Variants in ANKRD30A observed in about 807,000 individuals in gnomAD.
The protein encoded by ANKRD30A is ankyrin repeat domain-containing protein 30A.
A neutral mutation model predicts 166.3 loss-of-function variants in ANKRD30A; 170 were observed. The ratio of observed to expected loss-of-function variants is 1.02; its 90% confidence interval spans 0.90 to 1.16. ANKRD30A has a LOEUF of 1.16. Ranked by LOEUF, ANKRD30A falls within the 50% of genes most tolerant of loss-of-function variation. ANKRD30A has a pLI of 0.00. For missense variants in ANKRD30A, 1,630 were observed against 1,518.0 expected, an observed-to-expected ratio of 1.07 and a Z score of -1.23; for synonymous variants, 564 against 508.9, an observed-to-expected ratio of 1.11 and a Z score of -1.46.
chr10:37,130,606 TA>T (rs1250494958), intron 3 of ANKRD30A, among the ~76,000 whole-genome samples: 1 of 152,192 alleles, frequency 6.6e-6, no homozygotes, highest in African/African-American at 2.4e-5. Context: ...GTGTTAAAGG[TA>T]AAAACTTCTT....
chr10:37,161,440 T>A (rs958125471), intron 15 of ANKRD30A, among the ~76,000 whole-genome samples: 3 of 152,178 alleles, frequency 2.0e-5, no homozygotes, highest in Non-Finnish European at 4.4e-5. Flanking sequence ...GTTAGAGGTT[T>A]TTTTTTATTT....
At chr10:37,156,259 C>G (rs1838372124) in intron 13 of ANKRD30A, among the ~76,000 whole-genome samples, 2 of 152,054 alleles carry the variant, frequency 1.3e-5, no homozygotes, top group East Asian at 3.9e-4. Flanking sequence ...AATCCAAGTA[C>G]GTACAGCCAT....
chr10:37,242,066 A>G, the ANKRD30A span: 10 of 152,180 alleles, frequency 6.6e-5, no homozygotes, highest in Admixed American at 1.3e-4. Flanking sequence ...TTACTTGTCT[A>G]TAATATTCCT....
chr10:37,201,515 AAGG>A (rs1841625924), intron 31 of ANKRD30A, among the ~76,000 whole-genome samples, 190 bp downstream of exon 31: 2 of 152,066 alleles, frequency 1.3e-5, no homozygotes, highest in Non-Finnish European at 2.9e-5. Context: ...GAGTGCTGAG[AAGG>A]AGGTGAATTA....
At chr10:37,250,038 T>C in the ANKRD30A span, among the ~76,000 whole-genome samples, 1 of 151,986 alleles carries the variant, frequency 6.6e-6, no homozygotes, top group South Asian at 2.1e-4. Context: ...TCGTCAAGAT[T>C]GTGGCATATC....
intron 12 of ANKRD30A, among the ~76,000 whole-genome samples, chr10:37,152,574 A>G (rs1838034189): frequency 6.6e-6 from 1 of 152,144 alleles, no homozygotes; most frequent in Non-Finnish European, 1.5e-5. Context: ...GAATGTATTG[A>G]CATATGTTTA....
At chr10:37,191,198 G>C (rs1467789941) in intron 25 of ANKRD30A, among the ~76,000 whole-genome samples, 1 of 151,806 alleles carries the variant, frequency 6.6e-6, no homozygotes, top group Non-Finnish European at 1.5e-5. Context: ...CTCCATGAGT[G>C]GATTAAGAGA....
At chr10:37,131,896 G>T (rs1327431804) in intron 3 of ANKRD30A, among the ~76,000 whole-genome samples, 1 of 152,106 alleles carries the variant, frequency 6.6e-6, no homozygotes, top group Non-Finnish European at 1.5e-5. Flanking sequence ...TACTACTTTA[G>T]TCAAAAACAA....
chr10:37,143,454 G>T (rs1267090363), intron 7 of ANKRD30A, among the ~76,000 whole-genome samples: 1 of 152,168 alleles, frequency 6.6e-6, no homozygotes, highest in Non-Finnish European at 1.5e-5. Flanking sequence ...AGGAGTTCGA[G>T]AACAGTCTGG....
At chr10:37,227,745 C>T (rs1031438643) in intron 34 of ANKRD30A, among the ~76,000 whole-genome samples, 2 of 151,946 alleles carry the variant, frequency 1.3e-5, no homozygotes, top group African/African-American at 4.8e-5. Flanking sequence ...TTGACTGCCT[C>T]TCTCTTGAGT....
the ANKRD30A span, chr10:37,241,254 T>C: frequency 6.6e-6 from 1 of 151,532 alleles, no homozygotes; most frequent in Admixed American, 6.6e-5. Context: ...ATGAAGTTAG[T>C]AAAGCATCAG....
intron 34 of ANKRD30A, among the ~76,000 whole-genome samples, chr10:37,227,005 A>T (rs74729980): frequency 6.6e-6 from 1 of 151,834 alleles, no homozygotes; most frequent in Non-Finnish European, 1.5e-5. Context: ...CCCATTTTCT[A>T]ATTGGGCCAT....
chr10:37,195,299 T>C (rs771049153), intron 27 of ANKRD30A, among the ~76,000 whole-genome samples: 3 of 152,210 alleles, frequency 2.0e-5, no homozygotes, highest in Non-Finnish European at 2.9e-5. Flanking sequence ...ATTTTGTTTA[T>C]AATGAAAAGA....
the ANKRD30A span, chr10:37,241,033 A>C: frequency 3.3e-5 from 5 of 152,248 alleles, no homozygotes; most frequent in Admixed American, 1.3e-4. Context: ...TTTATTTAAC[A>C]GCAATTTTGT....
intron 31 of ANKRD30A, among the ~76,000 whole-genome samples, chr10:37,205,057 T>C (rs1841899896): frequency 6.6e-6 from 1 of 152,182 alleles, no homozygotes; most frequent in African/African-American, 2.4e-5. Flanking sequence ...CTGAAGGATC[T>C]AGAACTAGAA....
rs752788472 is a variant in ANKRD30A, at chr10:37,142,056, A to T, written c.1159A>T (p.Lys387Ter). 1.9e-6 allele frequency: 3 copies of T among 1,614,012 alleles called. No homozygotes were observed. The highest frequency in any genetic ancestry group is 2.5e-6 in the Non-Finnish European group (3 of 1,179,954). Residue 387 changes from lysine (K) to a stop codon, truncating the protein, a stop_gained, in exon 7 of 36, where the codon AAA becomes TAA. Transcript: ENST00000361713. LOFTEE classifies it high-confidence loss of function. ...AAGACCTAGGAAGATCGCATGGGAG[A>T]AAAAAGAAGACACACCTAGGGAAAT... ...KGRPRKIAWE[K>*]KEDTPREIMS...
At chr10:37,252,289 C>A in the ANKRD30A span, among the ~76,000 whole-genome samples, 1 of 152,116 alleles carries the variant, frequency 6.6e-6, no homozygotes, top group East Asian at 1.9e-4. Context: ...TTTAAGAATA[C>A]CATATGGATA....
intron 34 of ANKRD30A, among the ~76,000 whole-genome samples, chr10:37,227,034 G>A (rs933333177): frequency 7.9e-5 from 12 of 151,762 alleles, no homozygotes; most frequent in Non-Finnish European, 1.5e-4. Flanking sequence ...TTTCTGAATG[G>A]TAAGTGTTCT....
intron 34 of ANKRD30A, among the ~76,000 whole-genome samples, chr10:37,230,923 T>C (rs1055191934): frequency 6.6e-6 from 1 of 152,090 alleles, no homozygotes; most frequent in Non-Finnish European, 1.5e-5. Context: ...CTAATTGTCT[T>C]TGAAGCTGCT....
Sources: allele counts gnomAD v4.1 joint callset (sites outside exome capture counted in the v4.1 genomes callset), GRCh38; gene constraint gnomAD v4.1.1; transcripts MANE v1.5; gene names NCBI Gene and HGNC (gene_info 2026-07-23, HGNC 2026-07-21).